The following PLXDC2 variants were observed in gnomAD, a reference collection of about 807,000 sequenced individuals.
PLXDC2 encodes plexin domain-containing protein 2.
In PLXDC2, 40 loss-of-function variants were observed where a neutral mutation model predicts 68.9. The ratio of observed to expected loss-of-function variants is 0.58; its 90% CI spans 0.45 to 0.76. PLXDC2 has a LOEUF of 0.76. Among genes scored for constraint, PLXDC2 ranks in the 30% least tolerant of loss-of-function variants. The probability of loss-of-function intolerance (pLI) is 0.00; values close to 1 mark genes in which losing one functional copy is unlikely to be tolerated. For missense variants in PLXDC2, 644 were observed against 661.9 expected (o/e 0.97, Z 0.30); for synonymous variants, 243 against 234.2 (o/e 1.04, Z -0.34).
rs1218384167 is a variant in PLXDC2 at position 20,068,274 on chromosome 10, C to T, written c.541+35C>T. On this transcript the variant is annotated intron_variant, in intron 4 of 13. Coordinates refer to ENST00000377252, the MANE Select transcript of PLXDC2 (RefSeq NM_032812.9). Reference sequence around the variant, plus strand: ...TTTCTACCCATTCACCTTAAGTAATCTATGGTTTGACTGCAGTTATTATTT... The same window carrying T: ...TTTCTACCCATTCACCTTAAGTAATTTATGGTTTGACTGCAGTTATTATTT... The T allele has an allele frequency of 3.3e-6, 5 of 1,517,496 alleles. No individual in the cohort carries two copies. The African/African-American group carries it at 6.9e-5, about 21-fold the overall frequency. The allele number at this position is 1,517,496 out of a possible 1,614,324, so 94.0% of individuals were successfully genotyped here.
At chr10:19,922,395 A>G (rs569363720) in intron 1 of PLXDC2, among the ~76,000 whole-genome samples, 47 of 152,292 alleles carry the variant, frequency 3.1e-4, no homozygotes, top group African/African-American at 9.6e-4. Context: ...TGAGACACAC[A>G]TCAGTGAAAG....
chr10:20,159,012 T>G (rs1415557239), intron 6 of PLXDC2, among the ~76,000 whole-genome samples: 1 of 152,194 alleles, frequency 6.6e-6, no homozygotes, highest in African/African-American at 2.4e-5. Flanking sequence ...CATTTTCATT[T>G]TAATATTTAA....
At chr10:19,847,410 A>G (rs1479307058) in intron 1 of PLXDC2, among the ~76,000 whole-genome samples, 1 of 152,166 alleles carries the variant, frequency 6.6e-6, no homozygotes, top group East Asian at 1.9e-4. Context: ...TTTAAGAACT[A>G]CTGGCATAAG....
chr10:20,109,991 T>G (rs956940201), intron 4 of PLXDC2, among the ~76,000 whole-genome samples: 2 of 152,176 alleles, frequency 1.3e-5, no homozygotes, highest in African/African-American at 4.8e-5. Context: ...AGAAGGCATA[T>G]GTCTAGCAAA....
At chr10:20,233,156 T>C (rs1486829155) in intron 12 of PLXDC2, among the ~76,000 whole-genome samples, 1 of 152,108 alleles carries the variant, frequency 6.6e-6, no homozygotes, top group Non-Finnish European at 1.5e-5. Context: ...AGTTGTATAG[T>C]TGCAAGGGCT....
Position 20,282,266 on chromosome 10 carries a change from C to A in PLXDC2, c.*2447C>A, listed in dbSNP as rs1013382748. On this transcript the variant is annotated 3_prime_UTR_variant, in exon 14 of 14. Transcript: ENST00000377252. The stretch of plus-strand genomic sequence containing the variant: ...GGTAAGGGGAAATGTGGGCTAAATC[C>A]TTTTCTTTCATGAAACTCTCATTCT... The A allele has an allele frequency of 3.3e-5, 5 of 152,042 alleles. No homozygotes were observed. Among genetic ancestry groups the A allele is most frequent in the African/African-American group, 1.2e-4 (5 of 41,420 alleles). 9.4% of individuals were successfully genotyped at this position (152,042 alleles called of 1,614,324 possible). A position where few individuals can be genotyped will look rare whatever the true frequency, so the allele number is the denominator to read the frequency against.
chr10:20,109,826 T>A (rs567894076), intron 4 of PLXDC2, among the ~76,000 whole-genome samples: 1 of 152,306 alleles, frequency 6.6e-6, no homozygotes, highest in South Asian at 2.1e-4. Context: ...CTCCCTATCA[T>A]TTTACTCCTG....
intron 1 of PLXDC2, among the ~76,000 whole-genome samples, chr10:19,888,610 A>T (rs562001118): frequency 1.6e-4 from 24 of 152,294 alleles, no homozygotes; most frequent in African/African-American, 5.8e-4. Flanking sequence ...CAGGCGAGGG[A>T]TACATTTTAA....
intron 3 of PLXDC2, among the ~76,000 whole-genome samples, chr10:20,056,252 A>G (rs963705231): frequency 1.3e-5 from 2 of 152,220 alleles, no homozygotes; most frequent in African/African-American, 2.4e-5. Context: ...TTACCAAACT[A>G]GAGGTTAATC....
chr10:19,996,897 A>G (rs1204316231), intron 1 of PLXDC2, among the ~76,000 whole-genome samples: 4 of 152,096 alleles, frequency 2.6e-5, no homozygotes, highest in Non-Finnish European at 4.4e-5. Context: ...CTTATTCACT[A>G]TCACTAGAAC....
At chr10:20,105,048 C>CAAAA (rs11289832) in intron 4 of PLXDC2, among the ~76,000 whole-genome samples, 10 of 97,286 alleles carry the variant, frequency 1.0e-4, no homozygotes, top group Non-Finnish European at 9.4e-5. Flanking sequence ...AGACTCCATC[C>CAAAA]AAAAAAAAAA....
At chr10:19,839,102 C>A (rs1836855350) in intron 1 of PLXDC2, among the ~76,000 whole-genome samples, 1 of 151,530 alleles carries the variant, frequency 6.6e-6, no homozygotes, top group Non-Finnish European at 1.5e-5. Flanking sequence ...AGGAGAATCC[C>A]TTGAACTTGG....
At chr10:20,017,546 G>T (rs989149770) in intron 2 of PLXDC2, among the ~76,000 whole-genome samples, 1 of 152,100 alleles carries the variant, frequency 6.6e-6, no homozygotes, top group African/African-American at 2.4e-5. Flanking sequence ...TTTAAAGAGG[G>T]CTCTATTAAC....
chr10:20,058,298 C>G (rs1159332875), intron 3 of PLXDC2, among the ~76,000 whole-genome samples: 1 of 152,096 alleles, frequency 6.6e-6, no homozygotes, highest in African/African-American at 2.4e-5. Flanking sequence ...TCCTAACATG[C>G]TAGTGGAGTG....
At chr10:19,937,559 TATATA>T (rs1833745956) in intron 1 of PLXDC2, among the ~76,000 whole-genome samples, 1 of 86,844 alleles carries the variant, frequency 1.2e-5, no homozygotes, top group African/African-American at 4.3e-5. Flanking sequence ...TATATATATA[TATATA>T]TATATATATA....
intron 6 of PLXDC2, among the ~76,000 whole-genome samples, chr10:20,161,295 G>A (rs1031472564): frequency 3.6e-4 from 54 of 151,216 alleles, no homozygotes; most frequent in African/African-American, 1.2e-3. Flanking sequence ...GAGCTGGCTA[G>A]GCAAGGATAA....
intron 4 of PLXDC2, among the ~76,000 whole-genome samples, chr10:20,072,879 G>A (rs1836360293): frequency 1.3e-5 from 2 of 152,304 alleles, no homozygotes; most frequent in South Asian, 2.1e-4. Context: ...CTGAACCATA[G>A]ACTTTTGATG....
intron 1 of PLXDC2, among the ~76,000 whole-genome samples, chr10:19,937,394 G>A (rs142360808): frequency 1.5e-3 from 230 of 151,802 alleles, no homozygotes; most frequent in African/African-American, 5.3e-3. Context: ...TTAAGGGCTG[G>A]TTTACAAGAT....
chr10:20,139,842 G>A (rs538348862), intron 4 of PLXDC2, among the ~76,000 whole-genome samples: 3 of 151,472 alleles, frequency 2.0e-5, no homozygotes, highest in South Asian at 4.2e-4. Context: ...CATCACACAC[G>A]GGGGCCGGTC....
Sources: allele counts gnomAD v4.1 joint callset (sites outside exome capture counted in the v4.1 genomes callset), GRCh38; gene constraint gnomAD v4.1.1; transcripts MANE v1.5; gene names NCBI Gene and HGNC (gene_info 2026-07-23, HGNC 2026-07-21).